The following COMMD6 variants were observed in gnomAD, a reference collection of about 807,000 sequenced individuals.
COMMD6 encodes COMM domain-containing protein 6.
A neutral mutation model predicts 13.4 loss-of-function variants in COMMD6; 11 were observed. That is an observed-to-expected ratio of 0.82 (90% CI 0.52 to 1.36). COMMD6 has a LOEUF of 1.36. Ranked by LOEUF, COMMD6 falls within the 40% of genes most tolerant of loss-of-function variation. The pLI is 0.00. For synonymous variants in COMMD6, 43 were observed against 36.5 expected (o/e 1.18, Z -0.64); for missense variants, 124 against 102.4 (o/e 1.21, Z -0.91).
chr13:75,547,617 CA>C, intron 1 of COMMD6, among the ~76,000 whole-genome samples: 1 of 152,150 alleles, frequency 6.6e-6, no homozygotes, highest in Non-Finnish European at 1.5e-5. Context: ...ATGCTGCCCT[CA>C]ATACCATGAT....
Position 75,526,347 on chromosome 13 carries a change from C to T in COMMD6, c.*242G>A, listed in dbSNP as rs976043424. 6 of 393,468 alleles carry T rather than the reference C, an allele frequency of 1.5e-5. No homozygotes were observed. The highest frequency in any genetic ancestry group is 2.7e-5 in the Non-Finnish European group (6 of 220,662). The allele number at this position is 393,468 out of a possible 1,614,324, so 24.4% of individuals were successfully genotyped here. ...ACTGTTAGTCTGATTACATCATTCA[C>T]ATTATCACCAAGTATATCCTCTAAA... On this transcript the variant is annotated 3_prime_UTR_variant, in exon 4 of 4. Transcript: ENST00000682242.
intron 2 of COMMD6, among the ~76,000 whole-genome samples, chr13:75,533,944 T>C (rs1411778237): frequency 6.6e-6 from 1 of 151,920 alleles, no homozygotes; most frequent in Non-Finnish European, 1.5e-5. Context: ...AATAGTGATG[T>C]CCAAAAACTA....
In COMMD6 at chr13:75,526,531, C is replaced by T. The variant is rs998639010; in HGVS notation, c.*58G>A. 2.5e-5 allele frequency: 30 copies of T among 1,185,430 alleles called. 1 individual carries two copies. The highest frequency in any genetic ancestry group is 2.0e-4 in the Middle Eastern group (1 of 4,958). The allele number at this position is 1,185,430 out of a possible 1,614,324, so 73.4% of individuals were successfully genotyped here. ...TTCCATCCTTATTTAGTTTTGTTGC[C>T]GAAAGTGAAGTCCATGACTTTAGAA... On this transcript the variant is annotated 3_prime_UTR_variant, in exon 4 of 4. Transcript: ENST00000682242.
intron 3 of COMMD6, among the ~76,000 whole-genome samples, chr13:75,527,011 T>C (rs997244337): frequency 3.9e-5 from 6 of 152,192 alleles, no homozygotes; most frequent in African/African-American, 9.6e-5. Flanking sequence ...CATTTCAGTG[T>C]GGTAAGGGCT....
intron 1 of COMMD6, among the ~76,000 whole-genome samples, chr13:75,544,125 G>T (rs1336043372): frequency 1.3e-5 from 2 of 151,408 alleles, no homozygotes; most frequent in African/African-American, 4.8e-5. Flanking sequence ...TGGGTGGGGG[G>T]GAGGTGGGGT....
intron 3 of COMMD6, chr13:75,528,001 GCACACACACACACACACACA>G (rs57959582): frequency 1.4e-5 from 4 of 287,798 alleles, no homozygotes; most frequent in Non-Finnish European, 2.4e-5. Context: ...CATGCCCTCA[GCACACACACACACACACACA>G]CACACACACA....
At chr13:75,527,488 A>G (rs1307515026) in intron 3 of COMMD6, among the ~76,000 whole-genome samples, 2 of 152,242 alleles carry the variant, frequency 1.3e-5, no homozygotes, top group Non-Finnish European at 2.9e-5. Flanking sequence ...GCTCTCAGTC[A>G]TGTAATGTGA....
intron 2 of COMMD6, among the ~76,000 whole-genome samples, chr13:75,536,310 T>C (rs778151953): frequency 1.9e-4 from 29 of 152,378 alleles, no homozygotes; most frequent in East Asian, 1.9e-4. Flanking sequence ...TAAATGATCT[T>C]GGCTTTTCCT....
upstream of COMMD6, chr13:75,537,845 G>A (rs775197154): frequency 2.6e-6 from 4 of 1,564,108 alleles, no homozygotes; most frequent in South Asian, 1.2e-5. Context: ...TCGAGAGAAC[G>A]CCCCCAGACC....
upstream of COMMD6, among the ~76,000 whole-genome samples, chr13:75,543,062 T>A (rs976117480): frequency 6.6e-6 from 1 of 152,238 alleles, no homozygotes; most frequent in Admixed American, 6.5e-5. Flanking sequence ...GCCATTATCC[T>A]AAGCACATTA....
chr13:75,537,440 A>C, intron 2 of COMMD6: 1 of 1,551,408 alleles, frequency 6.4e-7, no homozygotes, highest in Non-Finnish European at 8.7e-7. Flanking sequence ...CTTGATCTGC[A>C]TTCTTCGGGC....
At chr13:75,548,182 C>G (rs977380967) in intron 1 of COMMD6, among the ~76,000 whole-genome samples, 2 of 152,214 alleles carry the variant, frequency 1.3e-5, no homozygotes, top group Non-Finnish European at 2.9e-5. Context: ...TGCACTGAGT[C>G]CAGCAGAGAC....
intron 1 of COMMD6, among the ~76,000 whole-genome samples, chr13:75,544,481 G>A (rs1249971397): frequency 6.6e-6 from 1 of 152,174 alleles, no homozygotes; most frequent in Non-Finnish European, 1.5e-5. Context: ...AGTGAGACCA[G>A]CCAGGCATGG....
upstream of COMMD6, chr13:75,537,905 G>T (rs1053412747): frequency 2.8e-5 from 36 of 1,263,858 alleles, no homozygotes; most frequent in African/African-American, 4.9e-4. Context: ...GCATGGGGCG[G>T]ACGTAGCAGG....
chr13:75,545,509 C>T (rs1026731754), intron 1 of COMMD6, among the ~76,000 whole-genome samples: 2 of 151,718 alleles, frequency 1.3e-5, no homozygotes, highest in African/African-American at 4.8e-5. Flanking sequence ...CTCTGTCACC[C>T]AGGCTGGAGT....
intron 1 of COMMD6, among the ~76,000 whole-genome samples, chr13:75,544,675 A>C (rs1321196590): frequency 6.6e-6 from 1 of 152,192 alleles, no homozygotes; most frequent in Non-Finnish European, 1.5e-5. Context: ...AGACAGGAGA[A>C]TCACTTGAAC....
At chr13:75,539,539 G>A (rs1225213989), upstream of COMMD6, among the ~76,000 whole-genome samples, 2 of 152,122 alleles carry the variant, frequency 1.3e-5, no homozygotes, top group African/African-American at 4.8e-5. Context: ...GAGCCACTGT[G>A]CCTGGCCTCT....
At chr13:75,549,405 C>T (rs770606143) in exon 1 of COMMD6, 14 of 198,080 alleles carry the variant, frequency 7.1e-5, no homozygotes, top group South Asian at 1.7e-4. Context: ...CTCCGCGGCA[C>T]GCCTCCTAGC....
chr13:75,546,228 A>G (rs2030903023), intron 1 of COMMD6, among the ~76,000 whole-genome samples: 1 of 152,260 alleles, frequency 6.6e-6, no homozygotes, highest in Non-Finnish European at 1.5e-5. Flanking sequence ...TGGGTATGGA[A>G]ATAAGCATGA....
Sources: allele counts gnomAD v4.1 joint callset (sites outside exome capture counted in the v4.1 genomes callset), GRCh38; gene constraint gnomAD v4.1.1; transcripts MANE v1.5; gene names NCBI Gene and HGNC (gene_info 2026-07-23, HGNC 2026-07-21).